The following RAP1GDS1 variants were observed in gnomAD, a reference collection of about 807,000 sequenced individuals.
The protein encoded by RAP1GDS1 is RAP1, GTP-GDP dissociation stimulator 1.
In RAP1GDS1, 35 loss-of-function variants were observed where a neutral mutation model predicts 71.1. The ratio of observed to expected loss-of-function variants is 0.49; its 90% CI spans 0.38 to 0.65. RAP1GDS1 has a LOEUF of 0.65. Among genes scored for constraint, RAP1GDS1 ranks in the 30% least tolerant of loss-of-function variants. The pLI, the probability that RAP1GDS1 is intolerant of heterozygous loss-of-function variation, is 0.00. For synonymous variants in RAP1GDS1, 229 were observed against 243.1 expected, an observed-to-expected ratio of 0.94 and a Z score of 0.54; for missense variants, 663 against 706.1, an observed-to-expected ratio of 0.94 and a Z score of 0.69.
intron 5 of RAP1GDS1, among the ~76,000 whole-genome samples, chr4:98,389,213 G>A (rs979429603): frequency 3.9e-5 from 6 of 152,096 alleles, no homozygotes; most frequent in African/African-American, 1.4e-4. Flanking sequence ...AAGGGTTCCA[G>A]GGACACTTTT....
Position 98,372,800 on chromosome 4 carries a change from G to A in RAP1GDS1, c.362-6217G>A, listed in dbSNP as rs539394893. Among the ~76,000 whole-genome samples the A allele has an allele frequency of 4.6e-5, 7 of 151,976 alleles. No individual in the cohort carries two copies. The East Asian group carries it at 7.8e-4, about 17-fold the overall frequency. ...CCTAGGCTCAGGTGATTCTCTTACC[G>A]CAGCCTCCTGAGTAGCTAGGACTAC... On this transcript the variant is annotated intron_variant, in intron 4 of 14. Transcript: ENST00000408927.
At chr4:98,349,866 A>G (rs188442330) in intron 3 of RAP1GDS1, among the ~76,000 whole-genome samples, 2 of 152,206 alleles carry the variant, frequency 1.3e-5, no homozygotes, top group Non-Finnish European at 2.9e-5. Context: ...TGCCTGAAGC[A>G]TGATAACTTT....
At chr4:98,314,694 C>T (rs765054726) in intron 2 of RAP1GDS1, among the ~76,000 whole-genome samples, 4 of 151,998 alleles carry the variant, frequency 2.6e-5, no homozygotes, top group Non-Finnish European at 4.4e-5. Context: ...GTTTAGTGGT[C>T]TACATAGATA....
intron 3 of RAP1GDS1, among the ~76,000 whole-genome samples, chr4:98,346,812 G>A (rs1193292809): frequency 6.6e-6 from 1 of 152,148 alleles, no homozygotes; most frequent in Non-Finnish European, 1.5e-5. Flanking sequence ...CCAAAGTGCT[G>A]GGATTACAGG....
intron 2 of RAP1GDS1, among the ~76,000 whole-genome samples, chr4:98,313,042 C>A (rs1187252628): frequency 1.5e-5 from 2 of 130,424 alleles, no homozygotes; most frequent in Non-Finnish European, 3.1e-5. Flanking sequence ...GCACTCCAGC[C>A]TGGGTGACAG....
At chr4:98,377,584 T>G (rs770437902) in intron 4 of RAP1GDS1, among the ~76,000 whole-genome samples, 7 of 151,642 alleles carry the variant, frequency 4.6e-5, no homozygotes, top group Non-Finnish European at 8.9e-5. Context: ...CCTCAAAAAT[T>G]TTCAAAATTA....
At chr4:98,373,721 C>T (rs1454820292) in intron 4 of RAP1GDS1, among the ~76,000 whole-genome samples, 1 of 152,098 alleles carries the variant, frequency 6.6e-6, no homozygotes, top group Non-Finnish European at 1.5e-5. Context: ...AATATATTTT[C>T]ACACCTGTAA....
intron 2 of RAP1GDS1, among the ~76,000 whole-genome samples, chr4:98,307,815 C>A (rs770549304): frequency 1.4e-4 from 21 of 152,040 alleles, no homozygotes; most frequent in Non-Finnish European, 1.8e-4. Context: ...ACTTTTGTTT[C>A]CTCTTGCCCT....
intron 2 of RAP1GDS1, among the ~76,000 whole-genome samples, chr4:98,332,480 C>A (rs1339208171): frequency 1.3e-5 from 2 of 152,068 alleles, no homozygotes; most frequent in Non-Finnish European, 2.9e-5. Context: ...AAGAGAGAGT[C>A]CCAGTTATTG....
chr4:98,421,241 C>G lies in RAP1GDS1; in HGVS notation c.1301-14C>G, dbSNP rs767768317. 1.3e-6 allele frequency: 2 copies of G among 1,594,836 alleles called. No homozygotes were observed. The highest frequency in any genetic ancestry group is 1.1e-5 in the South Asian group (1 of 87,300). Reference sequence around the variant, plus strand: ...GTTAGTGATTCATTCCTTGGTTTGCCTTCTTTCCTATAGCAGAAGCTGCTG... The same window carrying G: ...GTTAGTGATTCATTCCTTGGTTTGCGTTCTTTCCTATAGCAGAAGCTGCTG... On this transcript the variant is annotated splice_polypyrimidine_tract_variant and intron_variant, in intron 11 of 14. Coordinates refer to ENST00000408927, the MANE Select transcript of RAP1GDS1 (RefSeq NM_001100427.2).
chr4:98,440,715 G>T (rs928435471), intron 14 of RAP1GDS1, among the ~76,000 whole-genome samples: 5 of 152,050 alleles, frequency 3.3e-5, no homozygotes, highest in African/African-American at 1.2e-4. Context: ...TTGTTGAATT[G>T]TAAGAGTTTT....
intron 4 of RAP1GDS1, 32 bp from the exon 5 acceptor site, chr4:98,378,985 T>C: frequency 6.5e-7 from 1 of 1,527,508 alleles, no homozygotes; most frequent in Non-Finnish European, 8.8e-7. Flanking sequence ...TTCTTTTTTC[T>C]TTTATTTTTA....
intron 2 of RAP1GDS1, among the ~76,000 whole-genome samples, chr4:98,315,383 C>T (rs1730789173): frequency 6.6e-6 from 1 of 152,126 alleles, no homozygotes; most frequent in Non-Finnish European, 1.5e-5. Context: ...ATGTCTTTGA[C>T]TACCAAATAT....
intron 2 of RAP1GDS1, among the ~76,000 whole-genome samples, chr4:98,321,716 T>C (rs1489484064): frequency 1.1e-3 from 133 of 120,852 alleles, no homozygotes; most frequent in African/African-American, 4.0e-3. Flanking sequence ...GACAAGCAAA[T>C]GCTGAGAGAT....
intron 5 of RAP1GDS1, among the ~76,000 whole-genome samples, chr4:98,390,401 T>C (rs2110124696): frequency 6.6e-6 from 1 of 152,266 alleles, no homozygotes; most frequent in Admixed American, 6.5e-5. Context: ...ATAACTTCAT[T>C]ACAAAATTTG....
intron 6 of RAP1GDS1, among the ~76,000 whole-genome samples, chr4:98,395,301 T>A (rs1399002858): frequency 6.6e-6 from 1 of 152,216 alleles, no homozygotes; most frequent in Non-Finnish European, 1.5e-5. Context: ...TTAAAAGTCA[T>A]TAGGCAATTA....
At chr4:98,323,115 A>T (rs1201933967) in intron 2 of RAP1GDS1, among the ~76,000 whole-genome samples, 89 of 150,694 alleles carry the variant, frequency 5.9e-4, no homozygotes, top group Middle Eastern at 3.5e-3. Context: ...ACAGAAATAC[A>T]AACTACCATC....
At chr4:98,393,745 A>C (rs1255405939) in intron 6 of RAP1GDS1, among the ~76,000 whole-genome samples, 1 of 152,226 alleles carries the variant, frequency 6.6e-6, no homozygotes, top group Non-Finnish European at 1.5e-5. Context: ...AGATGTGTTC[A>C]GTATAAAATA....
At chr4:98,385,195 A>T (rs1399620578) in intron 5 of RAP1GDS1, among the ~76,000 whole-genome samples, 1 of 151,788 alleles carries the variant, frequency 6.6e-6, no homozygotes, top group African/African-American at 2.4e-5. Context: ...TTACATTTCA[A>T]CTGATAGAAT....
Sources: allele counts gnomAD v4.1 joint callset (sites outside exome capture counted in the v4.1 genomes callset), GRCh38; gene constraint gnomAD v4.1.1; transcripts MANE v1.5; gene names NCBI Gene and HGNC (gene_info 2026-07-23, HGNC 2026-07-21).